BTBD9: variants seen among roughly 807,000 people sequenced by gnomAD.
BTBD9 encodes BTB domain containing 9, also known as BTB/POZ domain-containing protein 9.
Under a neutral mutation model 64.3 loss-of-function variants are expected in BTBD9, and 49 were observed. The ratio of observed to expected loss-of-function variants is 0.76; its 90% CI spans 0.61 to 0.97. The LOEUF (loss-of-function observed/expected upper bound fraction) is 0.97. BTBD9 is among the 50% of genes least tolerant of loss of function. BTBD9 has a pLI of 0.00. For missense variants in BTBD9, 598 were observed against 762.1 expected (o/e 0.78, Z 2.53); for synonymous variants, 260 against 274.7 (o/e 0.95, Z 0.53).
intron 1 of BTBD9, among the ~76,000 whole-genome samples, chr6:38,638,043 T>C (rs896716315): frequency 6.6e-6 from 1 of 152,228 alleles, no homozygotes; most frequent in African/African-American, 2.4e-5. Flanking sequence ...GTCGTCTTGG[T>C]ATATCCTCCA....
chr6:38,349,771 G>C (rs985916394), intron 6 of BTBD9, among the ~76,000 whole-genome samples: 3 of 151,984 alleles, frequency 2.0e-5, no homozygotes, highest in Non-Finnish European at 2.9e-5. Context: ...GGCAGGCCAA[G>C]GAGAAGACTT....
At chr6:38,558,182 C>A (rs1417107400) in intron 6 of BTBD9, among the ~76,000 whole-genome samples, 1 of 151,644 alleles carries the variant, frequency 6.6e-6, no homozygotes, top group African/African-American at 2.4e-5. Context: ...AACTTGAGAC[C>A]AAGAGTTCCA....
At chr6:38,243,778 A>G (rs940372708) in intron 9 of BTBD9, among the ~76,000 whole-genome samples, 4 of 152,170 alleles carry the variant, frequency 2.6e-5, no homozygotes, top group Non-Finnish European at 4.4e-5. Flanking sequence ...GAAGGTGCCA[A>G]TGGAAAATAT....
chr6:38,613,294 G>A (rs1777671997), intron 1 of BTBD9, among the ~76,000 whole-genome samples: 1 of 152,124 alleles, frequency 6.6e-6, no homozygotes, highest in African/African-American at 2.4e-5. Flanking sequence ...TCTTAGGAAA[G>A]GCAATAAAGA....
chr6:38,632,563 T>C (rs1363538823), intron 1 of BTBD9, among the ~76,000 whole-genome samples: 1 of 152,192 alleles, frequency 6.6e-6, no homozygotes, highest in Non-Finnish European at 1.5e-5. Context: ...TACTAAAATG[T>C]AAACTTGAAA....
rs151170365 is a variant in BTBD9 at position 38,462,971 on chromosome 6, G to C, written c.1154+114629C>G. Among the ~76,000 whole-genome samples, 6 of 152,150 alleles carry C rather than the reference G, an allele frequency of 3.9e-5. No homozygotes were observed. The East Asian group carries it at 1.2e-3, about 29-fold the overall frequency. On this transcript the variant is annotated intron_variant, in intron 6 of 10. Coordinates refer to ENST00000481247, the MANE Select transcript of BTBD9 (RefSeq NM_001099272.2). ...ATGTCACCATACCTGGCTAATTTTT[G>C]TATTTTTTGTAGAAACAGGTTGCCA...
At chr6:38,298,148 C>T (rs1329024014) in intron 7 of BTBD9, among the ~76,000 whole-genome samples, 1 of 152,070 alleles carries the variant, frequency 6.6e-6, no homozygotes, top group African/African-American at 2.4e-5. Flanking sequence ...AGCCACCACA[C>T]CTGGCCTCTG....
chr6:38,495,011 A>C (rs1771888283), intron 6 of BTBD9, among the ~76,000 whole-genome samples: 1 of 152,242 alleles, frequency 6.6e-6, no homozygotes, highest in Non-Finnish European at 1.5e-5. Flanking sequence ...GTTTGCTATC[A>C]AAAGGATAAT....
intron 6 of BTBD9, among the ~76,000 whole-genome samples, chr6:38,546,251 A>C (rs1052512809): frequency 6.6e-6 from 1 of 152,216 alleles, no homozygotes; most frequent in Non-Finnish European, 1.5e-5. Flanking sequence ...CTACAAGGAC[A>C]AGAATGAGGA....
At chr6:38,212,135 AG>A (rs753433039) in intron 9 of BTBD9, among the ~76,000 whole-genome samples, 2 of 152,160 alleles carry the variant, frequency 1.3e-5, no homozygotes, top group Non-Finnish European at 2.9e-5. Context: ...GGGGCACAGG[AG>A]TGGCCCTCCC....
chr6:38,269,021 C>T (rs1765113355), intron 8 of BTBD9, among the ~76,000 whole-genome samples: 1 of 152,202 alleles, frequency 6.6e-6, no homozygotes, highest in South Asian at 2.1e-4. Flanking sequence ...AAGGCTCTCA[C>T]ATGAAAACAA....
chr6:38,419,645 C>A (rs1037280295), intron 6 of BTBD9, among the ~76,000 whole-genome samples: 1 of 151,894 alleles, frequency 6.6e-6, no homozygotes, highest in African/African-American at 2.4e-5. Context: ...CCGAGGCGGG[C>A]GGATCACCTA....
chr6:38,226,408 T>A (rs1383565098), intron 9 of BTBD9, among the ~76,000 whole-genome samples: 1 of 152,020 alleles, frequency 6.6e-6, no homozygotes, highest in Non-Finnish European at 1.5e-5. Flanking sequence ...GGGGCAGGGG[T>A]TCCTTGCTGC....
intron 6 of BTBD9, among the ~76,000 whole-genome samples, chr6:38,432,819 C>A (rs1310046109): frequency 7.9e-5 from 12 of 151,868 alleles, no homozygotes; most frequent in Non-Finnish European, 1.6e-4. Context: ...CTGTGCCCAC[C>A]AAACTATCCT....
At chr6:38,322,974 T>C (rs1324496561) in intron 7 of BTBD9, among the ~76,000 whole-genome samples, 1 of 152,202 alleles carries the variant, frequency 6.6e-6, no homozygotes, top group Non-Finnish European at 1.5e-5. Context: ...AAATTACTAA[T>C]ATGGTTTAAA....
intron 7 of BTBD9, among the ~76,000 whole-genome samples, chr6:38,294,965 G>A (rs759902101): frequency 6.6e-5 from 10 of 151,872 alleles, no homozygotes; most frequent in Non-Finnish European, 1.5e-4. Flanking sequence ...AGGTGAAGTT[G>A]AACATTTTTT....
intron 8 of BTBD9, among the ~76,000 whole-genome samples, chr6:38,261,256 A>C (rs942411459): frequency 3.9e-5 from 6 of 152,146 alleles, no homozygotes; most frequent in Non-Finnish European, 7.3e-5. Flanking sequence ...AGACATTCTT[A>C]AGCTAAATCT....
chr6:38,569,771 C>G (rs1016754277), intron 6 of BTBD9, among the ~76,000 whole-genome samples: 1 of 151,874 alleles, frequency 6.6e-6, no homozygotes, highest in African/African-American at 2.4e-5. Flanking sequence ...GAATATAAAA[C>G]ATGGCGGGGT....
chr6:38,304,572 A>C (rs556599556), intron 7 of BTBD9, among the ~76,000 whole-genome samples: 13 of 151,806 alleles, frequency 8.6e-5, no homozygotes, highest in East Asian at 5.8e-4. Flanking sequence ...AAAAAAAAAA[A>C]CCAACATCAA....
Sources: allele counts gnomAD v4.1 joint callset (sites outside exome capture counted in the v4.1 genomes callset), GRCh38; gene constraint gnomAD v4.1.1; transcripts MANE v1.5; gene names NCBI Gene and HGNC (gene_info 2026-07-23, HGNC 2026-07-21).